The following AOX1 variants were observed in gnomAD, a reference collection of about 807,000 sequenced individuals.
AOX1 encodes aldehyde oxidase.
In AOX1, 153 loss-of-function variants were observed where a neutral mutation model predicts 169.5. That is an observed-to-expected ratio of 0.90 (90% CI 0.79 to 1.03). AOX1 has a LOEUF of 1.03. Ranked by LOEUF, AOX1 falls within the 50% of genes least tolerant of loss-of-function variation. The pLI, the probability that AOX1 is intolerant of heterozygous loss-of-function variation, is 0.00. For missense variants in AOX1, 1,656 were observed against 1,663.9 expected, an observed-to-expected ratio of 1.00 and a Z score of 0.08; for synonymous variants, 562 against 581.9, an observed-to-expected ratio of 0.97 and a Z score of 0.49.
rs1244085246 is a variant in AOX1 at position 200,641,107 on chromosome 2, A to G, written c.2578A>G (p.Met860Val). 8.1e-6 allele frequency: 13 copies of G among 1,613,182 alleles called. No homozygotes were observed. Among genetic ancestry groups the G allele is most frequent in the Non-Finnish European group, 1.1e-5 (13 of 1,179,404 alleles). The change falls in exon 24 of 35, where the codon ATG becomes GTG. Residue 860 changes from methionine (M) to valine (V), a missense_variant. Met to Val is a conservative substitution (Grantham distance 21). Transcript: ENST00000374700. ...PYLGKYKAGF[M>V]NDGRILALDM... is the part of the protein sequence containing the mutation. ...CGGTTCTCTTCCCCAGGCTGGATTC[A>G]TGAACGATGGCAGAATCTTGGCCCT...
At chr2:200,599,257 C>T (rs1388561514) in intron 4 of AOX1, among the ~76,000 whole-genome samples, 4 of 152,196 alleles carry the variant, frequency 2.6e-5, no homozygotes, top group African/African-American at 7.2e-5. Flanking sequence ...ACAACCACAA[C>T]TGCACGTTGA....
intron 20 of AOX1, among the ~76,000 whole-genome samples, chr2:200,629,409 G>A (rs2035068350): frequency 1.3e-5 from 2 of 152,196 alleles, no homozygotes; most frequent in South Asian, 4.1e-4. Context: ...AGATGTTTTT[G>A]TTGTTTTCCT....
At position 200,611,390 on chromosome 2, in the gene AOX1, A is replaced by G; in HGVS notation, c.1160A>G (p.Lys387Arg). Residue 387 changes from lysine to arginine, a missense_variant, in exon 13 of 35, where the codon AAA becomes AGA. Lys to Arg is a conservative substitution (Grantham distance 26). Transcript: ENST00000374700. Reference sequence around the variant, plus strand: ...GTGTCATTTCTTTCCACAGAAGGAAAACGACAGATTCCTTTAAATGAGCAA... The same window carrying G: ...GTGTCATTTCTTTCCACAGAAGGAAGACGACAGATTCCTTTAAATGAGCAA... ...CTLNLLSKEG[K>R]RQIPLNEQFL... 2 of 1,611,540 alleles carry G rather than the reference A, an allele frequency of 1.2e-6. No homozygotes were observed. Among genetic ancestry groups the G allele is most frequent in the Non-Finnish European group, 1.7e-6 (2 of 1,177,756 alleles).
At chr2:200,645,018 G>A (rs947963469) in intron 25 of AOX1, among the ~76,000 whole-genome samples, 3 of 152,066 alleles carry the variant, frequency 2.0e-5, no homozygotes, top group Non-Finnish European at 4.4e-5. Context: ...TCTCTTTACC[G>A]ATTTGGATGC....
downstream of AOX1, among the ~76,000 whole-genome samples, chr2:200,675,329 AAAG>A (rs2036080650): frequency 6.6e-6 from 1 of 152,224 alleles, no homozygotes; most frequent in South Asian, 2.1e-4. Context: ...AAAAATAATC[AAAG>A]GAGAGAAGAA....
At chr2:200,663,843 G>A (rs908458844) in intron 31 of AOX1, among the ~76,000 whole-genome samples, 1 of 152,126 alleles carries the variant, frequency 6.6e-6, no homozygotes, top group African/African-American at 2.4e-5. Context: ...TATCCTCTAT[G>A]CCTGTGTTCT....
At chr2:200,648,146 T>G (rs2035499734) in intron 25 of AOX1, among the ~76,000 whole-genome samples, 2 of 152,306 alleles carry the variant, frequency 1.3e-5, no homozygotes, top group East Asian at 1.9e-4. Context: ...TGTGATTTTT[T>G]GGGGGTGTTG....
At chr2:200,624,874 A>G (rs2034968990) in intron 19 of AOX1, among the ~76,000 whole-genome samples, 1 of 152,160 alleles carries the variant, frequency 6.6e-6, no homozygotes, top group Non-Finnish European at 1.5e-5. Flanking sequence ...TACAGGCCGC[A>G]TGTGCTCTGG....
intron 30 of AOX1, 35 bp from the exon 31 acceptor site, chr2:200,662,820 C>G (rs537971940): frequency 3.2e-6 from 5 of 1,550,088 alleles, no homozygotes; most frequent in Non-Finnish European, 4.5e-6. Flanking sequence ...AATTAGGGGA[C>G]GTGATCACTT....
At chr2:200,675,850 G>A (rs1415567216), downstream of AOX1, among the ~76,000 whole-genome samples, 1 of 150,940 alleles carries the variant, frequency 6.6e-6, no homozygotes, top group African/African-American at 2.4e-5. Flanking sequence ...GAGGCATGGA[G>A]AACCTAAGTA....
At chr2:200,597,634 C>T (rs1405984) in intron 4 of AOX1, 129 bp downstream of exon 4, 87,791 of 488,232 alleles carry the variant, frequency 0.18, 8,807 homozygotes, top group Non-Finnish European at 0.2. Context: ...TACAACCTAG[C>T]TGGGAACAAG....
chr2:200,586,216 C>CCCTGCCGTTCGTCCCATCCTTTCGTG, intron 1 of AOX1, 63 bp downstream of exon 1: 1 of 1,469,760 alleles, frequency 6.8e-7, no homozygotes, highest in Non-Finnish European at 9.1e-7. Context: ...AGAGAGGAGC[C>CCCTGCCGTTCGTCCCATCCTTTCGTG]CCTGCCGTTC....
intron 12 of AOX1, 68 bp from the exon 13 acceptor site, chr2:200,611,316 T>C: frequency 2.8e-6 from 3 of 1,086,804 alleles, no homozygotes; most frequent in Non-Finnish European, 4.2e-6. Flanking sequence ...TAGAATTACT[T>C]CCTAAGTTTT....
At position 200,613,873 on chromosome 2, in the gene AOX1, G is replaced by T; in HGVS notation, c.1518G>T (p.Ser506=). 1 of 1,612,670 alleles carries T rather than the reference G, an allele frequency of 6.2e-7. No homozygotes were observed. Among genetic ancestry groups the T allele is most frequent in the Non-Finnish European group, 8.5e-7 (1 of 1,179,968 alleles). Residue 506 remains serine (S), a synonymous_variant, in exon 15 of 35, where the codon TCG becomes TCT. Transcript: ENST00000374700. ...TGAATGAAGTCTCCCTTTTGGGCTC[G>T]GCGCCAGGTGGGAAAGTGGAGTTCA... ...LILNEVSLLG[S]APGGKVEFKR...
In AOX1 at chr2:200,652,587, A is replaced by C. The variant is rs535156133; in HGVS notation, c.3075+1386A>C. ...GGGGCTGTCTGTCCTTGTGCAGACT[A>C]GTCAGGATCATCAGGAAAAACAGCC... On this transcript the variant is annotated intron_variant, in intron 26 of 34. Coordinates refer to ENST00000374700, the MANE Select transcript of AOX1 (RefSeq NM_001159.4). Among the ~76,000 whole-genome samples, 145 of 152,300 alleles carry C rather than the reference A, an allele frequency of 9.5e-4. 2 individuals are homozygous for C. The highest frequency in any genetic ancestry group is 2.8e-4 in the Non-Finnish European group (19 of 68,018).
chr2:200,647,719 T>C (rs1270311566), intron 25 of AOX1, among the ~76,000 whole-genome samples: 1 of 152,214 alleles, frequency 6.6e-6, no homozygotes, highest in African/African-American at 2.4e-5. Flanking sequence ...TCAGCAACAC[T>C]GATTATTCTT....
rs1240984753 is a variant in AOX1 at position 200,627,343 on chromosome 2, C to G, written c.2125-10C>G. The G allele has an allele frequency of 6.2e-7, 1 of 1,603,844 alleles. No individual in the cohort carries two copies. ...GCCCAAGCTGCCTCATTCCTCTGTT[C>G]TCTTTCTAGGAAAGTATACAACACA... On this transcript the variant is annotated splice_polypyrimidine_tract_variant and intron_variant, in intron 19 of 34. Transcript: ENST00000374700.
At chr2:200,657,161 C>G (rs1480797188) in intron 27 of AOX1, among the ~76,000 whole-genome samples, 1 of 83,038 alleles carries the variant, frequency 1.2e-5, no homozygotes, top group Non-Finnish European at 2.2e-5. Flanking sequence ...CCATCTCTAC[C>G]AAAAATATAT....
At chr2:200,653,890 T>C (rs900282157) in intron 26 of AOX1, among the ~76,000 whole-genome samples, 1 of 152,228 alleles carries the variant, frequency 6.6e-6, no homozygotes, top group Admixed American at 6.5e-5. Context: ...TCTTTGATTT[T>C]ACTGTTGTAA....
Sources: allele counts gnomAD v4.1 joint callset (sites outside exome capture counted in the v4.1 genomes callset), GRCh38; gene constraint gnomAD v4.1.1; transcripts MANE v1.5; gene names NCBI Gene and HGNC (gene_info 2026-07-23, HGNC 2026-07-21).